The following PARD3 variants were observed in gnomAD, a reference collection of about 807,000 sequenced individuals.
PARD3 encodes the protein partitioning defective 3 homolog.
In PARD3, 75 loss-of-function variants were observed where a neutral mutation model predicts 155.4. The ratio of observed to expected loss-of-function variants is 0.48; its 90% CI spans 0.40 to 0.58. PARD3 has a LOEUF of 0.58. Among genes scored for constraint, PARD3 ranks in the 20% least tolerant of loss-of-function variants. The probability of loss-of-function intolerance (pLI) is 0.00; values close to 1 mark genes in which losing one functional copy is unlikely to be tolerated. For synonymous variants in PARD3, 576 were observed against 610.5 expected (o/e 0.94, Z 0.83); for missense variants, 1,642 against 1,721.7 (o/e 0.95, Z 0.82).
intron 2 of PARD3, among the ~76,000 whole-genome samples, chr10:34,578,459 G>A (rs191577335): frequency 5.8e-4 from 89 of 152,292 alleles, no homozygotes; most frequent in African/African-American, 2.1e-3. Context: ...CCATACCAAT[G>A]AGCAACAGAA....
At chr10:34,189,987 G>C (rs1950636952) in intron 22 of PARD3, among the ~76,000 whole-genome samples, 1 of 152,164 alleles carries the variant, frequency 6.6e-6, no homozygotes, top group Admixed American at 6.5e-5. Context: ...GTATGACAGA[G>C]TGTACCATCT....
At chr10:34,297,653 G>A (rs1956968248) in intron 20 of PARD3, among the ~76,000 whole-genome samples, 1 of 152,158 alleles carries the variant, frequency 6.6e-6, no homozygotes, top group South Asian at 2.1e-4. Context: ...TTGGTTAAAT[G>A]AAAATGATCT....
intron 22 of PARD3, among the ~76,000 whole-genome samples, chr10:34,167,806 T>C (rs897201048): frequency 1.3e-5 from 2 of 152,202 alleles, no homozygotes; most frequent in Non-Finnish European, 1.5e-5. Flanking sequence ...TAAGATGTAT[T>C]TAATTTCTAA....
chr10:34,746,033 C>T (rs561732279), intron 1 of PARD3, among the ~76,000 whole-genome samples: 4 of 152,026 alleles, frequency 2.6e-5, no homozygotes, highest in African/African-American at 9.6e-5. Flanking sequence ...ATCCAGGAGG[C>T]GGAGCCTGCA....
intron 22 of PARD3, among the ~76,000 whole-genome samples, chr10:34,162,220 G>A (rs1949318104): frequency 1.3e-5 from 2 of 152,274 alleles, no homozygotes; most frequent in African/African-American, 2.4e-5. Context: ...ACACTGGGGG[G>A]AAGGGGTGGA....
At chr10:34,743,305 T>C (rs2095051939) in intron 1 of PARD3, among the ~76,000 whole-genome samples, 1 of 152,176 alleles carries the variant, frequency 6.6e-6, no homozygotes, top group African/African-American at 2.4e-5. Context: ...ACAGCATTTG[T>C]CTTCTCATCT....
At chr10:34,729,069 C>A (rs1457038678) in intron 1 of PARD3, among the ~76,000 whole-genome samples, 1 of 152,170 alleles carries the variant, frequency 6.6e-6, no homozygotes, top group African/African-American at 2.4e-5. Context: ...ACCACACAGC[C>A]GAGGTGTGCA....
intron 22 of PARD3, among the ~76,000 whole-genome samples, chr10:34,160,928 C>A (rs1241277727): frequency 6.6e-6 from 1 of 152,038 alleles, no homozygotes; most frequent in African/African-American, 2.4e-5. Context: ...AAGTTTTAGG[C>A]CAGTGCCAAC....
intron 12 of PARD3, among the ~76,000 whole-genome samples, chr10:34,372,013 A>T (rs1461982493): frequency 6.6e-6 from 1 of 152,108 alleles, no homozygotes; most frequent in African/African-American, 2.4e-5. Context: ...ACTTTTGTTA[A>T]ATTATCTCTT....
chr10:34,531,489 A>G (rs2082852292), intron 2 of PARD3, among the ~76,000 whole-genome samples: 1 of 152,184 alleles, frequency 6.6e-6, no homozygotes, highest in South Asian at 2.1e-4. Context: ...AAATCATATT[A>G]GTCAATAGGT....
At chr10:34,609,112 C>T (rs991713865) in intron 2 of PARD3, among the ~76,000 whole-genome samples, 3 of 152,108 alleles carry the variant, frequency 2.0e-5, no homozygotes, top group African/African-American at 4.8e-5. Context: ...ATTCATAATT[C>T]GACTAATTTT....
chr10:34,625,862 G>A (rs1337410247), intron 2 of PARD3, among the ~76,000 whole-genome samples: 4 of 151,396 alleles, frequency 2.6e-5, no homozygotes, highest in Non-Finnish European at 5.9e-5. Flanking sequence ...GGTGAGCCGA[G>A]ATCACACCAT....
chr10:34,359,026 CAA>C lies in PARD3; in HGVS notation c.2067+119_2067+120del, dbSNP rs1374093674. On this transcript the variant is annotated intron_variant, in intron 14 of 24. Coordinates refer to ENST00000374788, the MANE Select transcript of PARD3 (RefSeq NM_001184785.2). Reference sequence around the variant, plus strand: ...TACAAAATAATAAAACTACAATAAGCAAAGATAATTTATGGTCTTTTGATGTA... The same window carrying C: ...TACAAAATAATAAAACTACAATAAGCAGATAATTTATGGTCTTTTGATGTA... The C allele has an allele frequency of 7.5e-6, 5 of 663,352 alleles. No homozygotes were observed. In the East Asian group the frequency reaches 1.3e-4, roughly 18 times the overall value. The allele number at this position is 663,352 out of a possible 1,614,324, so 41.1% of individuals were successfully genotyped here.
chr10:34,477,413 CAGAATG>C (rs2078789721), intron 3 of PARD3, among the ~76,000 whole-genome samples: 1 of 152,150 alleles, frequency 6.6e-6, no homozygotes, highest in African/African-American at 2.4e-5. Flanking sequence ...TCACTGGGTC[CAGAATG>C]AGGGTGGAGA....
At chr10:34,579,554 CTGTGTGTGTGTG>C (rs554959827) in intron 2 of PARD3, among the ~76,000 whole-genome samples, 17 of 122,574 alleles carry the variant, frequency 1.4e-4, no homozygotes, top group East Asian at 2.5e-4. Context: ...ACCATTTTCT[CTGTGTGTGTGTG>C]TGTGTGTGTG....
intron 2 of PARD3, among the ~76,000 whole-genome samples, chr10:34,522,934 C>T (rs2082243292): frequency 6.6e-6 from 1 of 152,174 alleles, no homozygotes. Context: ...CTAACATATC[C>T]ACAGCACAGG....
At chr10:34,492,676 CTT>C (rs1207123127) in intron 3 of PARD3, among the ~76,000 whole-genome samples, 1 of 152,176 alleles carries the variant, frequency 6.6e-6, no homozygotes, top group Non-Finnish European at 1.5e-5. Flanking sequence ...GGCATTTACT[CTT>C]ATATCCTGAT....
intron 2 of PARD3, among the ~76,000 whole-genome samples, chr10:34,681,446 A>T (rs1005403059): frequency 6.6e-6 from 1 of 151,844 alleles, no homozygotes; most frequent in African/African-American, 2.4e-5. Context: ...GGCTGACCTG[A>T]ACACACCTCC....
At chr10:34,601,809 T>A (rs926327542) in intron 2 of PARD3, among the ~76,000 whole-genome samples, 3 of 152,232 alleles carry the variant, frequency 2.0e-5, no homozygotes, top group African/African-American at 7.2e-5. Context: ...TCATTCTACA[T>A]GGGCCCTTGG....
Sources: gnomAD v4.1 joint callset for allele counts (sites outside exome capture counted in the v4.1 genomes callset) on GRCh38, gnomAD v4.1.1 for gene constraint, MANE v1.5 for transcripts, NCBI Gene and HGNC (gene_info 2026-07-23, HGNC 2026-07-21) for gene names.